SVIL: variants seen among roughly 807,000 people sequenced by gnomAD.
The protein encoded by SVIL is supervillin, also known as archvillin.
A neutral mutation model predicts 240.4 loss-of-function variants in SVIL; 101 were observed. The ratio of observed to expected loss-of-function variants is 0.42; its 90% CI spans 0.36 to 0.50. The LOEUF is 0.50. Ranked by LOEUF, SVIL falls within the 20% of genes least tolerant of loss-of-function variation. The probability of loss-of-function intolerance (pLI) is 0.01; values close to 1 mark genes in which losing one functional copy is unlikely to be tolerated. For missense variants in SVIL, 2,512 were observed against 2,818.7 expected (o/e 0.89, Z 2.46); for synonymous variants, 999 against 1,100.0 (o/e 0.91, Z 1.82).
At chr10:29,693,386 C>T (rs139477228) in intron 1 of SVIL, among the ~76,000 whole-genome samples, 17 of 152,262 alleles carry the variant, frequency 1.1e-4, no homozygotes, top group African/African-American at 1.7e-4. Context: ...AAGGTTTCTC[C>T]CTCCTACCCC....
intron 1 of SVIL, among the ~76,000 whole-genome samples, chr10:29,582,257 A>G (rs1392970327): frequency 6.6e-6 from 1 of 152,206 alleles, no homozygotes; most frequent in Non-Finnish European, 1.5e-5. Context: ...TAAAATGTAC[A>G]CTGAGGGCAA....
intron 16 of SVIL, among the ~76,000 whole-genome samples, chr10:29,514,543 AT>A (rs796634290): frequency 6.6e-6 from 1 of 152,162 alleles, no homozygotes; most frequent in African/African-American, 2.4e-5. Flanking sequence ...CACTAGGCTA[AT>A]TTTTAAAATT....
chr10:29,488,741 T>C lies in SVIL; in HGVS notation c.4208A>G (p.Asn1403Ser), dbSNP rs376594371. 116 of 1,612,466 alleles carry C rather than the reference T, an allele frequency of 7.2e-5. No individual in the cohort carries two copies. The highest frequency in any genetic ancestry group is 4.2e-4 in the East Asian group (19 of 44,838). ...ACCCGCCAGGGTGACTTCTGAGAAGTTGGAGTTGGAAGACACTGGGCACGT... is the reference window on the plus strand; with the variant it reads ...ACCCGCCAGGGTGACTTCTGAGAAGCTGGAGTTGGAAGACACTGGGCACGT... ...MKVEKMSSNS[N>S]FSEVTLAGLA... Residue 1403 changes from asparagine to serine, a missense_variant, in exon 23 of 38, where the codon AAC (asparagine) becomes AGC (serine). Asn to Ser is a conservative substitution (Grantham distance 46, BLOSUM62 1). Around this residue, in one of 3 missense-constraint regions of SVIL, gnomAD observed 272 missense variants for 406.8 expected, o/e 0.67. Coordinates refer to ENST00000355867, the MANE Select transcript of SVIL (RefSeq NM_021738.3).
At chr10:29,633,135 T>C (rs1476629732) in intron 1 of SVIL, among the ~76,000 whole-genome samples, 1 of 149,680 alleles carries the variant, frequency 6.7e-6, no homozygotes, top group African/African-American at 2.5e-5. Context: ...ACTTGGGAGG[T>C]TGAGGCAAGG....
chr10:29,474,257 T>C (rs933465210), intron 29 of SVIL, among the ~76,000 whole-genome samples: 3 of 152,182 alleles, frequency 2.0e-5, no homozygotes, highest in Admixed American at 6.5e-5. Context: ...GAAAAAGATC[T>C]GTCATCTGGA....
At chr10:29,568,176 C>T (rs1169943827) in intron 2 of SVIL, among the ~76,000 whole-genome samples, 1 of 152,032 alleles carries the variant, frequency 6.6e-6, no homozygotes, top group Admixed American at 6.6e-5. Flanking sequence ...ATCATCATTG[C>T]TCTAATTAAC....
chr10:29,675,014 A>G (rs543368629), intron 2 of SVIL, among the ~76,000 whole-genome samples: 1 of 152,312 alleles, frequency 6.6e-6, no homozygotes, highest in African/African-American at 2.4e-5. Context: ...CTGACTCGCA[A>G]CCTTAATTCC....
chr10:29,473,784 C>T (rs1945853855), intron 30 of SVIL, 54 bp downstream of exon 30: 2 of 1,610,668 alleles, frequency 1.2e-6, no homozygotes, highest in Non-Finnish European at 1.7e-6. Context: ...CCATCGGCTC[C>T]CAGGAGAGGA....
intron 1 of SVIL, among the ~76,000 whole-genome samples, chr10:29,586,195 C>T (rs946625641): frequency 9.9e-5 from 15 of 152,124 alleles, no homozygotes; most frequent in Admixed American, 5.9e-4. Context: ...CTGAAGAGAA[C>T]AAAAAGGAGA....
intron 6 of SVIL, among the ~76,000 whole-genome samples, chr10:29,547,981 A>G (rs1415478443): frequency 6.6e-6 from 1 of 152,240 alleles, no homozygotes; most frequent in Admixed American, 6.5e-5. Context: ...AAATTCCTCA[A>G]ACAAAAGACC....
At chr10:29,548,061 G>C (rs1342059116) in intron 6 of SVIL, among the ~76,000 whole-genome samples, 1 of 152,110 alleles carries the variant, frequency 6.6e-6, no homozygotes, top group African/African-American at 2.4e-5. Flanking sequence ...GCTGAAAAAA[G>C]GTGCTCAAAA....
At chr10:29,541,043 T>C (rs1483976832) in intron 6 of SVIL, among the ~76,000 whole-genome samples, 1 of 152,202 alleles carries the variant, frequency 6.6e-6, no homozygotes, top group Non-Finnish European at 1.5e-5. Context: ...GACAGTAAAA[T>C]AGCAGGTGAG....
chr10:29,711,525 CCAAGG>C (rs1963281833), intron 1 of SVIL, among the ~76,000 whole-genome samples: 1 of 152,004 alleles, frequency 6.6e-6, no homozygotes, highest in Non-Finnish European at 1.5e-5. Context: ...CTTTGGGAGG[CCAAGG>C]TGGGCAGATC....
chr10:29,651,535 T>G (rs570424410), intron 3 of SVIL, among the ~76,000 whole-genome samples: 1 of 152,064 alleles, frequency 6.6e-6, no homozygotes, highest in African/African-American at 2.4e-5. Context: ...CTCTTACTTC[T>G]CCTTCCTCCC....
Position 29,550,716 on chromosome 10 carries a change from G to A in SVIL, c.708C>T (p.Asp236=), listed in dbSNP as rs907019359. The A allele has an allele frequency of 6.2e-6, 10 of 1,614,050 alleles. No homozygotes were observed. The highest frequency in any genetic ancestry group is 8.5e-6 in the Non-Finnish European group (10 of 1,180,024). Residue 236 remains aspartate, a synonymous_variant, in exon 6 of 38, where the codon GAC becomes GAT. Transcript: ENST00000355867. ...ACCGTGGCACTTCAGTGAAGGAGGA[G>A]TCTCGCCCAGAGAAAGAGAAGGTCG... ...SSSTFSFSGR[D]SSFTEVPRSP...
chr10:29,639,299 G>A (rs1958408112), upstream of SVIL, among the ~76,000 whole-genome samples: 1 of 152,108 alleles, frequency 6.6e-6, no homozygotes, highest in Non-Finnish European at 1.5e-5. Context: ...AGCCTCCGGA[G>A]TAGCTGGGAC....
At chr10:29,655,926 G>A (rs1286345303) in intron 3 of SVIL, among the ~76,000 whole-genome samples, 1 of 148,180 alleles carries the variant, frequency 6.7e-6, no homozygotes, top group Non-Finnish European at 1.5e-5. Flanking sequence ...TCACTGGAGT[G>A]CAGTGGCATG....
intron 1 of SVIL, among the ~76,000 whole-genome samples, chr10:29,604,720 A>G (rs1177286578): frequency 6.6e-6 from 1 of 151,814 alleles, no homozygotes; most frequent in Admixed American, 6.6e-5. Context: ...GCATGTCACT[A>G]TGCCCAGCTA....
intron 17 of SVIL, 118 bp from the exon 18 acceptor site, chr10:29,499,381 T>G (rs1948702852): frequency 7.6e-7 from 1 of 1,312,086 alleles, no homozygotes; most frequent in South Asian, 1.4e-5. Context: ...AAGTATATTG[T>G]CCAAAGATGT....
Sources: allele counts gnomAD v4.1 joint callset (sites outside exome capture counted in the v4.1 genomes callset), GRCh38; gene constraint gnomAD v4.1.1; regional missense constraint gnomAD v4.1.1; transcripts MANE v1.5; gene names NCBI Gene and HGNC (gene_info 2026-07-23, HGNC 2026-07-21).